Variants in UTP18 observed in about 807,000 individuals in gnomAD.
The protein encoded by UTP18 is U3 small nucleolar RNA-associated protein 18 homolog.
Under a neutral mutation model 61.1 loss-of-function variants are expected in UTP18, and 36 were observed. The observed-to-expected ratio is 0.59, with a 90% confidence interval of 0.45 to 0.78. The LOEUF (loss-of-function observed/expected upper bound fraction) is 0.78. Among genes scored for constraint, UTP18 ranks in the 30% least tolerant of loss-of-function variants. The probability of loss-of-function intolerance (pLI) is 0.00; values close to 1 mark genes in which losing one functional copy is unlikely to be tolerated. For missense variants in UTP18, 753 were observed against 693.9 expected (o/e 1.09, Z -0.96); for synonymous variants, 282 against 251.1 (o/e 1.12, Z -1.16).
chr17:51,268,791 C>A, intron 3 of UTP18, 46 bp from the exon 4 acceptor site: 1 of 1,490,860 alleles, frequency 6.7e-7, no homozygotes, highest in Non-Finnish European at 9.3e-7. Flanking sequence ...GCTTTATGGA[C>A]ATGTAGTGGT....
rs533458052 is a variant in UTP18 at position 51,268,911 on chromosome 17, G to A, written c.622+7G>A. 1.9e-4 allele frequency: 302 copies of A among 1,612,882 alleles called. 2 individuals carry two copies. In the Middle Eastern group the frequency reaches 6.9e-3, roughly 37 times the overall value. ...CGGAAAACATCTTCAGATGGTGAGC[G>A]TTGATATTTCTGTTTAAATTAGTAC... On this transcript the variant is annotated splice_region_variant and intron_variant, in intron 4 of 13. Transcript: ENST00000225298.
chr17:51,294,137 A>G (rs2144448421), intron 12 of UTP18, 92 bp downstream of exon 12: 2 of 1,103,702 alleles, frequency 1.8e-6, no homozygotes, highest in Middle Eastern at 3.2e-4. Context: ...TCTACAGTTA[A>G]TAAATTCTAG....
At chr17:51,281,317 G>A (rs1904913583) in intron 9 of UTP18, among the ~76,000 whole-genome samples, 1 of 151,874 alleles carries the variant, frequency 6.6e-6, no homozygotes, top group South Asian at 2.1e-4. Context: ...CATGTTTGGG[G>A]AAAGAATGGG....
At chr17:51,280,289 T>A (rs1904869349) in intron 8 of UTP18, 100 bp from the exon 9 acceptor site, 2 of 1,382,268 alleles carry the variant, frequency 1.4e-6, no homozygotes, top group Non-Finnish European at 2.0e-6. Context: ...TAAAGTTGAG[T>A]AGGTGCTAGA....
At chr17:51,288,411 A>C in intron 11 of UTP18, 1 of 533,980 alleles carries the variant, frequency 1.9e-6, no homozygotes, top group South Asian at 1.9e-5. Flanking sequence ...CTTTCAGTAA[A>C]GCTTTGCTGT....
In UTP18 at chr17:51,264,028, C is replaced by T. The variant is rs111548801; in HGVS notation, c.455+642C>T. 6.2e-3 allele frequency among the ~76,000 whole-genome samples: 885 copies of T among 143,722 alleles called. 3 individuals are homozygous for T. Among genetic ancestry groups the T allele is most frequent in the Middle Eastern group, 0.019 (5 of 270 alleles). 94.3% of individuals were successfully genotyped at this position (143,722 alleles called of 152,430 possible). The stretch of plus-strand genomic sequence containing the variant: ...ATTGTTGGGTAGATTTTCTTTTTCC[C>T]TTTTTTTTTTTTTAATTATTTTTTT... On this transcript the variant is annotated intron_variant, in intron 2 of 13. Transcript: ENST00000225298.
At chr17:51,288,819 G>C (rs1188767607) in intron 11 of UTP18, among the ~76,000 whole-genome samples, 1 of 152,184 alleles carries the variant, frequency 6.6e-6, no homozygotes, top group Non-Finnish European at 1.5e-5. Flanking sequence ...AGGGTACATG[G>C]AGTAAAGTCC....
intron 11 of UTP18, chr17:51,288,537 A>G (rs1490974730): frequency 2.2e-6 from 1 of 461,730 alleles, no homozygotes; most frequent in Admixed American, 2.3e-5. Flanking sequence ...TTCCTCATTT[A>G]CCTTTTTAAG....
At chr17:51,269,294 CAAAAAAAAAAAAA>C (rs58681434) in intron 4 of UTP18, among the ~76,000 whole-genome samples, 71 of 66,668 alleles carry the variant, frequency 1.1e-3, no homozygotes, top group African/African-American at 4.0e-3. Flanking sequence ...GACTCTGTCT[CAAAAAAAAAAAAA>C]AAAAAAAAAA....
chr17:51,267,221 G>T (rs184837624), intron 3 of UTP18, among the ~76,000 whole-genome samples: 2 of 152,032 alleles, frequency 1.3e-5, no homozygotes, highest in Non-Finnish European at 2.9e-5. Context: ...TCTTGGCCTC[G>T]CAAAGTGCTG....
intron 11 of UTP18, among the ~76,000 whole-genome samples, chr17:51,290,494 C>T (rs1567707038): frequency 1.3e-5 from 2 of 152,134 alleles, no homozygotes; most frequent in Admixed American, 1.3e-4. Context: ...TATTGCTATG[C>T]TGTTGAATGA....
At chr17:51,281,218 A>G (rs575660042) in intron 9 of UTP18, among the ~76,000 whole-genome samples, 2 of 150,670 alleles carry the variant, frequency 1.3e-5, no homozygotes, top group African/African-American at 4.9e-5. Context: ...TTAGCTAGAA[A>G]ATCAGATCTA....
Position 51,275,902 on chromosome 17 carries a change from A to C in UTP18, c.748A>C (p.Thr250Pro). 1 of 1,611,418 alleles carries C rather than the reference A, an allele frequency of 6.2e-7. No homozygotes were observed. Among genetic ancestry groups the C allele is most frequent in the Non-Finnish European group, 8.5e-7 (1 of 1,179,244 alleles). The change falls in exon 6 of 14, where the codon ACT becomes CCT. Residue 250 changes from threonine to proline, a missense_variant. By Grantham distance (38) the Thr-to-Pro change is conservative (BLOSUM62 -1). Transcript: ENST00000225298. ...CCAGCATGCGAATGCTGAACGTCCT[A>C]CTGTTGCTCGGATCTCATCTGTGCA... ...NCQHANAERP[T>P]VARISSVQFH...
At chr17:51,279,488 G>A (rs1904839861) in intron 7 of UTP18, among the ~76,000 whole-genome samples, 1 of 150,898 alleles carries the variant, frequency 6.6e-6, no homozygotes, top group Non-Finnish European at 1.5e-5. Flanking sequence ...AAAAGTTTTG[G>A]GGTTTTTTTT....
At chr17:51,280,972 G>GTT (rs1904895951) in intron 9 of UTP18, among the ~76,000 whole-genome samples, 1 of 151,552 alleles carries the variant, frequency 6.6e-6, no homozygotes, top group South Asian at 2.1e-4. Flanking sequence ...GAGGTCAGGA[G>GTT]TTTAAGACCA....
chr17:51,275,627 T>G (rs1904693579), intron 5 of UTP18, among the ~76,000 whole-genome samples: 1 of 152,216 alleles, frequency 6.6e-6, no homozygotes, highest in African/African-American at 2.4e-5. Flanking sequence ...ACTTTAATGA[T>G]TTAATCTTTT....
intron 10 of UTP18, among the ~76,000 whole-genome samples, chr17:51,286,985 C>CT (rs913386052): frequency 6.7e-6 from 1 of 148,572 alleles, no homozygotes; most frequent in Admixed American, 6.7e-5. Context: ...CCTTCCCCCC[C>CT]CGACCCACAG....
intron 8 of UTP18, 24 bp downstream of exon 8, chr17:51,280,129 G>C (rs757163415): frequency 1.2e-5 from 19 of 1,599,768 alleles, no homozygotes; most frequent in Admixed American, 8.4e-5. Flanking sequence ...ATTGCTTCTT[G>C]TTCTTCTCCC....
chr17:51,268,316 G>A (rs8070746), intron 3 of UTP18, among the ~76,000 whole-genome samples: 81,068 of 151,898 alleles, frequency 0.53, 21,763 homozygotes, highest in Middle Eastern at 0.65. Context: ...GTGAGCCATG[G>A]CGCCCGGCCC....
Sources: allele counts gnomAD v4.1 joint callset (sites outside exome capture counted in the v4.1 genomes callset), GRCh38; gene constraint gnomAD v4.1.1; transcripts MANE v1.5; gene names NCBI Gene and HGNC (gene_info 2026-07-23, HGNC 2026-07-21).